IFT52: variants seen among roughly 807,000 people sequenced by gnomAD.
IFT52 encodes the protein intraflagellar transport 52, also known as intraflagellar transport protein 52 homolog.
In IFT52, 44 loss-of-function variants were observed where a neutral mutation model predicts 54.4. That is an observed-to-expected ratio of 0.81 (90% CI 0.63 to 1.04). The LOEUF (loss-of-function observed/expected upper bound fraction) is 1.04. IFT52 is among the 50% of genes least tolerant of loss of function. The probability of loss-of-function intolerance (pLI) is 0.00; values close to 1 mark genes in which losing one functional copy is unlikely to be tolerated. For missense variants in IFT52, 452 were observed against 523.6 expected (o/e 0.86, Z 1.33); for synonymous variants, 181 against 185.3 (o/e 0.98, Z 0.19).
Position 43,623,940 on chromosome 20 carries a change from A to G in IFT52, c.818A>G (p.Asn273Ser). ...TACACAGCCACCCTATCAAAGCGGAATCGAGAGTGTCTCCAGGAGAGTGAT... is the reference window on the plus strand; with the variant it reads ...TACACAGCCACCCTATCAAAGCGGAGTCGAGAGTGTCTCCAGGAGAGTGAT... ...LPYTATLSKR[N>S]RECLQESDEI... is the part of the protein sequence containing the mutation. Residue 273 changes from asparagine (N) to serine (S), a missense_variant, in exon 10 of 14, where the codon AAT becomes AGT. Transcript: ENST00000373030. The G allele has an allele frequency of 6.2e-7, 1 of 1,614,184 alleles. No individual in the cohort carries two copies. Among genetic ancestry groups the G allele is most frequent in the Non-Finnish European group, 8.5e-7 (1 of 1,180,034 alleles).
intron 2 of IFT52, 44 bp downstream of exon 2, chr20:43,594,861 C>A: frequency 1.0e-6 from 1 of 998,348 alleles, no homozygotes; most frequent in South Asian, 1.3e-5. Flanking sequence ...ATGATATTGT[C>A]CTGCTGATAA....
At position 43,620,934 on chromosome 20, in the gene IFT52, C is replaced by A; in HGVS notation, c.768+9C>A. 1 of 1,601,056 alleles carries A rather than the reference C, an allele frequency of 6.2e-7. No homozygotes were observed. Among genetic ancestry groups the A allele is most frequent in the Admixed American group, 1.7e-5 (1 of 59,382 alleles). Reference sequence around the variant, plus strand: ...ATGCTGAGGACCCAGAGGTAGACACCGAATTATTAGAAACTTTTAAATGAA... The same window carrying A: ...ATGCTGAGGACCCAGAGGTAGACACAGAATTATTAGAAACTTTTAAATGAA... On this transcript the variant is annotated intron_variant, in intron 9 of 13. Transcript: ENST00000373030.
intron 9 of IFT52, among the ~76,000 whole-genome samples, chr20:43,623,510 A>T (rs1984495914): frequency 1.3e-5 from 2 of 152,218 alleles, no homozygotes; most frequent in Admixed American, 1.3e-4. Flanking sequence ...CTGAACTGAC[A>T]AAAGGGAATT....
chr20:43,638,433 C>A (rs974372681), intron 12 of IFT52, among the ~76,000 whole-genome samples: 2 of 151,968 alleles, frequency 1.3e-5, no homozygotes, highest in Non-Finnish European at 2.9e-5. Context: ...TCAGGTGATC[C>A]ACCCGCCTCA....
At chr20:43,637,833 G>A (rs969026678) in intron 12 of IFT52, among the ~76,000 whole-genome samples, 1 of 152,144 alleles carries the variant, frequency 6.6e-6, no homozygotes, top group Non-Finnish European at 1.5e-5. Flanking sequence ...CTGACCTATT[G>A]AGAGACCATA....
At chr20:43,638,487 G>A (rs190498153) in intron 12 of IFT52, among the ~76,000 whole-genome samples, 4 of 152,108 alleles carry the variant, frequency 2.6e-5, no homozygotes, top group East Asian at 3.9e-4. Flanking sequence ...CACCACGTCC[G>A]GCCAACTTCT....
intron 3 of IFT52, among the ~76,000 whole-genome samples, chr20:43,602,292 G>A (rs2145595935): frequency 6.6e-6 from 1 of 151,830 alleles, no homozygotes; most frequent in Non-Finnish European, 1.5e-5. Flanking sequence ...AGCCTCCCGA[G>A]TAGCGGGGAT....
rs1239399159 is a variant in IFT52, at chr20:43,644,978, G to A, written c.1267-1958G>A. On this transcript the variant is annotated intron_variant, in intron 13 of 13. Coordinates refer to ENST00000373030, the MANE Select transcript of IFT52 (RefSeq NM_016004.5). ...AAAAATCAGCTGGGTGTGGTGGCCC[G>A]TGCCTGTAGTCCCAGTTACTCAGGA... 1.1e-4 allele frequency among the ~76,000 whole-genome samples: 6 copies of A among 54,288 alleles called. 3 individuals are homozygous for A. In the South Asian group the frequency reaches 4.3e-3, roughly 39 times the overall value. The allele number at this position is 54,288 out of a possible 152,430, so 35.6% of individuals were successfully genotyped here.
chr20:43,633,700 T>C (rs1432289578), intron 10 of IFT52, among the ~76,000 whole-genome samples: 1 of 151,698 alleles, frequency 6.6e-6, no homozygotes, highest in African/African-American at 2.4e-5. Context: ...AGAGTGAGAC[T>C]CTGTCTCAAA....
chr20:43,615,126 A>G (rs929339675), intron 7 of IFT52, among the ~76,000 whole-genome samples: 25 of 151,208 alleles, frequency 1.7e-4, no homozygotes, highest in Admixed American at 4.0e-4. Flanking sequence ...CAGTGGCGCA[A>G]TCTTGGCTCA....
At chr20:43,597,019 G>A (rs1306003189) in intron 3 of IFT52, among the ~76,000 whole-genome samples, 1 of 151,038 alleles carries the variant, frequency 6.6e-6, no homozygotes, top group Non-Finnish European at 1.5e-5. Flanking sequence ...GGGATTACAG[G>A]TGTGAGCCAC....
chr20:43,600,746 G>C (rs1038718892), intron 3 of IFT52, among the ~76,000 whole-genome samples: 5 of 152,190 alleles, frequency 3.3e-5, no homozygotes, highest in Admixed American at 2.6e-4. Context: ...CGAGGCGGGT[G>C]GAACACCAGA....
chr20:43,622,750 A>T, intron 9 of IFT52, among the ~76,000 whole-genome samples: 1 of 94,886 alleles, frequency 1.1e-5, no homozygotes, highest in African/African-American at 4.7e-5. Context: ...TTTTTATGTA[A>T]ATATAAATAT....
intron 10 of IFT52, among the ~76,000 whole-genome samples, chr20:43,626,182 G>T (rs1984702794): frequency 6.6e-6 from 1 of 151,968 alleles, no homozygotes; most frequent in Non-Finnish European, 1.5e-5. Context: ...TAACCTGGTG[G>T]TCAGAAGAGA....
chr20:43,593,370 G>A (rs1307480919), intron 1 of IFT52, among the ~76,000 whole-genome samples: 4 of 152,024 alleles, frequency 2.6e-5, no homozygotes, highest in African/African-American at 9.7e-5. Flanking sequence ...CTTTTTGGAG[G>A]GCAATTTGGA....
chr20:43,633,559 T>A (rs1600508809), intron 10 of IFT52, among the ~76,000 whole-genome samples: 1 of 151,140 alleles, frequency 6.6e-6, no homozygotes, highest in African/African-American at 2.4e-5. Flanking sequence ...AATACAAAAA[T>A]TTGCTAGGCA....
intron 12 of IFT52, among the ~76,000 whole-genome samples, chr20:43,641,978 G>T (rs1445796847): frequency 6.6e-6 from 1 of 152,116 alleles, no homozygotes; most frequent in East Asian, 1.9e-4. Context: ...ATTTTTAGTA[G>T]AGATGGGGTT....
intron 11 of IFT52, among the ~76,000 whole-genome samples, chr20:43,636,834 T>C (rs1985568898): frequency 6.6e-6 from 1 of 152,240 alleles, no homozygotes. Flanking sequence ...AGTTTAGTGG[T>C]AATTAGAGCT....
At chr20:43,622,773 T>TAA (rs1984429801) in intron 9 of IFT52, among the ~76,000 whole-genome samples, 1 of 84,622 alleles carries the variant, frequency 1.2e-5, no homozygotes, top group Non-Finnish European at 2.5e-5. Flanking sequence ...ACAAATTGTG[T>TAA]GTAAATATAA....
Sources: gnomAD v4.1 joint callset for allele counts (sites outside exome capture counted in the v4.1 genomes callset) on GRCh38, gnomAD v4.1.1 for gene constraint, MANE v1.5 for transcripts, NCBI Gene and HGNC (gene_info 2026-07-23, HGNC 2026-07-21) for gene names.